The following FBLN1 variants were observed in gnomAD, a reference collection of about 807,000 sequenced individuals.
FBLN1 encodes the protein fibulin 1.
FBLN1 carries 34 observed loss-of-function variants against 89.7 expected under a neutral mutation model. The ratio of observed to expected loss-of-function variants is 0.38; its 90% confidence interval spans 0.29 to 0.50. The LOEUF (loss-of-function observed/expected upper bound fraction) is 0.50. Ranked by LOEUF, FBLN1 falls within the 20% of genes least tolerant of loss-of-function variation. The pLI is 0.92. For synonymous variants in FBLN1, 393 were observed against 391.3 expected (o/e 1.00, Z -0.05); for missense variants, 777 against 988.1 (o/e 0.79, Z 2.86).
At position 45,535,802 on chromosome 22, in the gene FBLN1, G is replaced by A. The variant is rs544780516; in HGVS notation, c.922+465G>A. Reference sequence around the variant, plus strand: ...TAGAGACTTGAGGCCAGGATTAGGCGAGTACTTGCGAAGTACTGGTACACA... The same window carrying A: ...TAGAGACTTGAGGCCAGGATTAGGCAAGTACTTGCGAAGTACTGGTACACA... On this transcript the variant is annotated intron_variant, in intron 8 of 16. Coordinates refer to ENST00000327858, the MANE Select transcript of FBLN1 (RefSeq NM_006486.3). Among the ~76,000 whole-genome samples, 12 of 152,344 alleles carry A rather than the reference G, an allele frequency of 7.9e-5. No homozygotes were observed. In the East Asian group the frequency reaches 9.6e-4, roughly 12 times the overall value.
chr22:45,591,348 AG>A (rs1393928657), intron 16 of FBLN1, among the ~76,000 whole-genome samples: 5 of 136,266 alleles, frequency 3.7e-5, no homozygotes, highest in Non-Finnish European at 4.5e-5. Context: ...CCCACGCCAC[AG>A]GTGAAGGCTG....
chr22:45,540,647 G>T (rs6007085), intron 8 of FBLN1, among the ~76,000 whole-genome samples: 28,948 of 152,176 alleles, frequency 0.19, 3,224 homozygotes, highest in South Asian at 0.29. Flanking sequence ...GTATCCCTGT[G>T]TAGCATGGCC....
At chr22:45,513,948 A>G (rs781687165) in intron 1 of FBLN1, among the ~76,000 whole-genome samples, 4 of 151,996 alleles carry the variant, frequency 2.6e-5, no homozygotes, top group Non-Finnish European at 4.4e-5. Flanking sequence ...CATGCACCAC[A>G]CGCCTGGCTA....
At chr22:45,569,642 AAAGAAGAAGAAGAAG>A (rs56907104) in intron 14 of FBLN1, among the ~76,000 whole-genome samples, 70,827 of 149,722 alleles carry the variant, frequency 0.47, 17,012 homozygotes, top group Middle Eastern at 0.6. Flanking sequence ...CTGTCTCAAA[AAAGAAGAAGAAGAAG>A]AAGAAGAAGA....
rs1014228957 is a variant in FBLN1, at chr22:45,588,382, G to A, written c.1972+11274G>A. On this transcript the variant is annotated intron_variant, in intron 16 of 16. Coordinates refer to ENST00000327858, the MANE Select transcript of FBLN1 (RefSeq NM_006486.3). The surrounding 1 kb of genome is among the most constrained non-coding windows in gnomAD (Gnocchi z 5.1). The stretch of plus-strand genomic sequence containing the variant: ...GGGTGTCGTGAAAAGGGAAACACCA[G>A]GAGTTGTGGCATTGGGAGTTTCTTC... 6.6e-6 allele frequency among the ~76,000 whole-genome samples: 1 copy of A among 152,206 alleles called. No individual in the cohort carries two copies. The highest frequency in any genetic ancestry group is 1.9e-4 in the East Asian group (1 of 5,204).
intron 14 of FBLN1, chr22:45,558,092 T>C (rs1399704951): frequency 4.0e-5 from 29 of 716,854 alleles, no homozygotes; most frequent in Non-Finnish European, 6.8e-5. Flanking sequence ...GAACTCTGCA[T>C]GAGGCCATCG....
At chr22:45,524,227 G>A (rs2088289772) in intron 2 of FBLN1, among the ~76,000 whole-genome samples, 2 of 152,200 alleles carry the variant, frequency 1.3e-5, no homozygotes, top group African/African-American at 2.4e-5. Context: ...AGGGAAGCTG[G>A]GGAGGCCCCC....
rs569037888 is a variant in FBLN1, at chr22:45,564,862, A to T, written c.1698-9649A>T. 22 of 1,613,462 alleles carry T rather than the reference A, an allele frequency of 1.4e-5. No homozygotes were observed. In the South Asian group the frequency reaches 2.2e-4, roughly 16 times the overall value. ...TCACTAGCATTTCTGTGGCTGTGAC[A>T]CTGTGCTGACACTGTTTCCAGGCAG... On this transcript the variant is annotated intron_variant, in intron 14 of 16. Coordinates refer to ENST00000327858, the MANE Select transcript of FBLN1 (RefSeq NM_006486.3).
intron 1 of FBLN1, among the ~76,000 whole-genome samples, chr22:45,505,832 C>T (rs1275798515): frequency 3.3e-5 from 5 of 152,170 alleles, no homozygotes. Flanking sequence ...AGTGCAATGG[C>T]ATGATCTCGA....
chr22:45,542,316 C>T, intron 10 of FBLN1, 33 bp downstream of exon 10: 2 of 1,612,772 alleles, frequency 1.2e-6, no homozygotes, highest in Non-Finnish European at 1.7e-6. Flanking sequence ...CTCGGGGGAA[C>T]CCAGCCACGT....
chr22:45,541,267 A>C lies in FBLN1; in HGVS notation c.961A>C (p.Ile321Leu). ...TTTGAGTATCAGTGCCCCGTGCCCT[A>C]TCGGGCATACATGCATCAACACAGA... is the stretch of plus-strand genomic sequence containing the variant. ...ECLSISAPCP[I>L]GHTCINTEGS... The change falls in exon 9 of 17, where the codon ATC becomes CTC. Residue 321 changes from isoleucine (I) to leucine (L), a missense_variant. Coordinates refer to ENST00000327858, the MANE Select transcript of FBLN1 (RefSeq NM_006486.3). 3.1e-6 allele frequency: 5 copies of C among 1,614,188 alleles called. No homozygotes were observed. Among genetic ancestry groups the C allele is most frequent in the Non-Finnish European group, 4.2e-6 (5 of 1,180,024 alleles).
At position 45,563,116 on chromosome 22, in the gene FBLN1, G is replaced by A. The variant is rs768096781; in HGVS notation, c.1698-11395G>A. On this transcript the variant is annotated intron_variant, in intron 14 of 16. Transcript: ENST00000327858. The surrounding 1 kb of genome is among the most constrained non-coding windows in gnomAD (Gnocchi z 5.7). ...AGGAGGGCTTTTTCACCACCCGGAA[G>A]GTGAGCCCCCACAGTGGGGTGGTGG... 2.5e-6 allele frequency: 4 copies of A among 1,613,390 alleles called. No homozygotes were observed. The highest frequency in any genetic ancestry group is 3.4e-6 in the Non-Finnish European group (4 of 1,179,992).
At position 45,577,002 on chromosome 22, in the gene FBLN1, G is replaced by A. The variant is rs368050507; in HGVS notation, c.1866G>A (p.Thr622=). ...AGATCATCTTCCTCCGGGCCATCAC[G>A]CCACCGCATCCTGCCAGCCAGGCTA... is the stretch of plus-strand genomic sequence containing the variant. ...PEEIIFLRAI[T]PPHPASQANI... The change falls in exon 16 of 17, where the codon ACG becomes ACA. Residue 622 remains threonine, a synonymous_variant. Coordinates refer to ENST00000327858, the MANE Select transcript of FBLN1 (RefSeq NM_006486.3). This position sits in a 1 kb window ranked among gnomAD's most constrained non-coding sequence, Gnocchi z 6.6. 29 of 1,613,934 alleles carry A rather than the reference G, an allele frequency of 1.8e-5. No homozygotes were observed. The highest frequency in any genetic ancestry group is 2.1e-5 in the Non-Finnish European group (25 of 1,180,038).
intron 16 of FBLN1, among the ~76,000 whole-genome samples, chr22:45,596,353 C>A (rs1211973866): frequency 6.6e-6 from 1 of 152,168 alleles, no homozygotes; most frequent in African/African-American, 2.4e-5. Flanking sequence ...TGAGCACTTT[C>A]TTCTTTCTTT....
chr22:45,535,061 A>T, intron 7 of FBLN1, 139 bp from the exon 8 acceptor site: 8 of 1,021,490 alleles, frequency 7.8e-6, no homozygotes, highest in South Asian at 4.3e-5. Flanking sequence ...TTTTTTGTGT[A>T]TGATTTCTCT....
intron 14 of FBLN1, among the ~76,000 whole-genome samples, chr22:45,568,201 A>G (rs1343357908): frequency 6.6e-6 from 1 of 152,242 alleles, no homozygotes; most frequent in Non-Finnish European, 1.5e-5. Flanking sequence ...TTCCAGGAAA[A>G]CTAGTTTCCT....
At chr22:45,596,377 C>G (rs1252154375) in intron 16 of FBLN1, among the ~76,000 whole-genome samples, 1 of 152,172 alleles carries the variant, frequency 6.6e-6, no homozygotes, top group Non-Finnish European at 1.5e-5. Context: ...TGTCCCCAGA[C>G]TGACCCCTGA....
chr22:45,594,310 C>T (rs936436443), intron 16 of FBLN1, among the ~76,000 whole-genome samples: 1 of 152,156 alleles, frequency 6.6e-6, no homozygotes, highest in Non-Finnish European at 1.5e-5. Context: ...CTTCTTGGTT[C>T]TCTGAGACTG....
At chr22:45,535,441 C>A in intron 8 of FBLN1, 104 bp downstream of exon 8, 2 of 1,410,334 alleles carry the variant, frequency 1.4e-6, no homozygotes, top group Non-Finnish European at 2.0e-6. Context: ...GTATACAGAA[C>A]AGGGGTTGGC....
Sources: allele counts gnomAD v4.1 joint callset (sites outside exome capture counted in the v4.1 genomes callset), GRCh38; gene constraint gnomAD v4.1.1; non-coding constraint Gnocchi (gnomAD v3.1); transcripts MANE v1.5; gene names NCBI Gene and HGNC (gene_info 2026-07-23, HGNC 2026-07-21).